Variants in KIAA1671 observed in about 807,000 individuals in gnomAD.
The protein encoded by KIAA1671 is KIAA1671, also known as uncharacterized protein KIAA1671.
KIAA1671 carries 52 observed loss-of-function variants against 131.2 expected under a neutral mutation model. The observed-to-expected ratio is 0.40, with a 90% CI of 0.32 to 0.50. KIAA1671 has a LOEUF of 0.50. Ranked by LOEUF, KIAA1671 falls within the 20% of genes least tolerant of loss-of-function variation. The probability of loss-of-function intolerance (pLI) is 0.73; values close to 1 mark genes in which losing one functional copy is unlikely to be tolerated. For missense variants in KIAA1671, 2,360 were observed against 2,364.2 expected (o/e 1.00, Z 0.04); for synonymous variants, 1,003 against 961.6 (o/e 1.04, Z -0.80).
rs1231533920 is a variant in KIAA1671, at chr22:25,017,026, G to A, written c.-207-8607G>A. 2.2e-4 allele frequency among the ~76,000 whole-genome samples: 33 copies of A among 152,302 alleles called. 2 individuals are homozygous for A. Among genetic ancestry groups the A allele is most frequent in the African/African-American group, 7.9e-4 (33 of 41,566 alleles). ...TAATTATATGCAAATTAAGGGGGTG[G>A]TTTATGCAAAACTTCATAGAAAAGG... On this transcript the variant is annotated intron_variant, in intron 1 of 12. Transcript: ENST00000358431.
At chr22:25,166,969 C>T (rs1480398734) in intron 6 of KIAA1671, among the ~76,000 whole-genome samples, 5 of 152,216 alleles carry the variant, frequency 3.3e-5, no homozygotes, top group Admixed American at 6.5e-5. Context: ...AGAAACAACC[C>T]CTAAGTCCCC....
chr22:24,955,288 C>T (rs1014934455), intron 1 of KIAA1671, among the ~76,000 whole-genome samples: 3 of 152,224 alleles, frequency 2.0e-5, no homozygotes, highest in Non-Finnish European at 4.4e-5. Flanking sequence ...ATGAGGCTAG[C>T]AGCCACATCC....
chr22:24,961,896 C>T (rs1424141976), intron 1 of KIAA1671, among the ~76,000 whole-genome samples: 1 of 152,042 alleles, frequency 6.6e-6, no homozygotes, highest in Non-Finnish European at 1.5e-5. Context: ...GACAAGTGGT[C>T]GCAGAGCAGA....
chr22:24,958,158 C>A (rs2123793474), intron 1 of KIAA1671, among the ~76,000 whole-genome samples: 1 of 152,062 alleles, frequency 6.6e-6, no homozygotes, highest in East Asian at 1.9e-4. Flanking sequence ...GCCCTTCCCA[C>A]TTGCATGGCT....
intron 6 of KIAA1671, among the ~76,000 whole-genome samples, chr22:25,161,686 G>A (rs1001599602): frequency 6.6e-6 from 1 of 152,190 alleles, no homozygotes; most frequent in Non-Finnish European, 1.5e-5. Context: ...AGACGGTCCT[G>A]ACAGCTGGGC....
intron 6 of KIAA1671, among the ~76,000 whole-genome samples, chr22:25,096,832 T>C (rs533451029): frequency 6.6e-6 from 1 of 152,360 alleles, no homozygotes; most frequent in South Asian, 2.1e-4. Flanking sequence ...TGTGGATTAG[T>C]CTGTGTGTTG....
intron 3 of KIAA1671, among the ~76,000 whole-genome samples, chr22:25,030,534 C>CA (rs34923770): frequency 0.11 from 15,533 of 143,532 alleles, 906 homozygotes; most frequent in Non-Finnish European, 0.14. Flanking sequence ...GACTCCGTCT[C>CA]AAAAAAAAAA....
At chr22:24,954,700 C>T (rs1428965048) in intron 1 of KIAA1671, among the ~76,000 whole-genome samples, 1 of 152,184 alleles carries the variant, frequency 6.6e-6, no homozygotes, top group Non-Finnish European at 1.5e-5. Flanking sequence ...AGTTCTCACC[C>T]TAGGTTCAGA....
At chr22:24,962,732 TC>T (rs1186760999) in intron 1 of KIAA1671, among the ~76,000 whole-genome samples, 3 of 152,160 alleles carry the variant, frequency 2.0e-5, no homozygotes, top group African/African-American at 7.2e-5. Context: ...AGAGGTTGCT[TC>T]CCTTCCTGGG....
chr22:24,996,783 C>T (rs1399552918), intron 1 of KIAA1671, among the ~76,000 whole-genome samples: 1 of 152,094 alleles, frequency 6.6e-6, no homozygotes, highest in African/African-American at 2.4e-5. Flanking sequence ...TGTAGGGCAG[C>T]ATGTTGGAGG....
chr22:25,150,756 C>T (rs796343506), intron 6 of KIAA1671, among the ~76,000 whole-genome samples: 8 of 152,088 alleles, frequency 5.3e-5, no homozygotes, highest in African/African-American at 1.7e-4. Context: ...GAACAGCACC[C>T]CGCTCCTCAA....
chr22:25,134,658 A>G (rs1430915639), intron 6 of KIAA1671, among the ~76,000 whole-genome samples: 2 of 152,308 alleles, frequency 1.3e-5, no homozygotes, highest in East Asian at 1.9e-4. Context: ...CCTCCAGCCC[A>G]GAGAGTTGGA....
chr22:25,191,941 T>C (rs192463493), intron 12 of KIAA1671, among the ~76,000 whole-genome samples: 30 of 152,314 alleles, frequency 2.0e-4, no homozygotes, highest in South Asian at 4.1e-4. Flanking sequence ...TGCTTGATTA[T>C]GGTGGTGTTA....
intron 6 of KIAA1671, among the ~76,000 whole-genome samples, chr22:25,133,852 C>G (rs1048496438): frequency 6.6e-6 from 1 of 152,268 alleles, no homozygotes; most frequent in African/African-American, 2.4e-5. Flanking sequence ...CCTGCCCCTC[C>G]TTGATTTTTA....
chr22:24,953,825 C>T (rs1022333054), intron 1 of KIAA1671, among the ~76,000 whole-genome samples: 2 of 152,180 alleles, frequency 1.3e-5, no homozygotes, highest in African/African-American at 2.4e-5. Context: ...CTTTCTCTAG[C>T]CAGGAGCAGC....
At position 25,028,203 on chromosome 22, in the gene KIAA1671, C is replaced by G; in HGVS notation, c.204C>G (p.Pro68=). Residue 68 remains proline, a synonymous_variant, in exon 3 of 13, where the codon CCC becomes CCG. Transcript: ENST00000358431. ...TACTCCCTCTGCCAAGGCTCGCCCC[C>G]AAACCCTTCTCGAAGGAGCAGGACG... ...ARLLPLPRLA[P]KPFSKEQDVK... is the part of the protein sequence containing the mutation. 6.4e-7 allele frequency: 1 copy of G among 1,551,158 alleles called. No homozygotes were observed. Among genetic ancestry groups the G allele is most frequent in the East Asian group, 2.4e-5 (1 of 40,896 alleles).
chr22:25,130,658 A>T (rs558570573), intron 6 of KIAA1671, among the ~76,000 whole-genome samples: 8 of 151,884 alleles, frequency 5.3e-5, no homozygotes, highest in Non-Finnish European at 7.4e-5. Flanking sequence ...AAACATCTAG[A>T]TGAGTTCTAC....
At chr22:25,128,043 C>T (rs1270361189) in intron 6 of KIAA1671, among the ~76,000 whole-genome samples, 1 of 152,190 alleles carries the variant, frequency 6.6e-6, no homozygotes, top group Non-Finnish European at 1.5e-5. Flanking sequence ...GGGCCTCAAC[C>T]TCTTTGAGTT....
At chr22:25,132,117 C>T (rs190690454) in intron 6 of KIAA1671, among the ~76,000 whole-genome samples, 39 of 152,300 alleles carry the variant, frequency 2.6e-4, no homozygotes, top group Admixed American at 6.5e-4. Flanking sequence ...CTTCTTGGAT[C>T]CCCACTTGTT....
Sources: allele counts gnomAD v4.1 joint callset (sites outside exome capture counted in the v4.1 genomes callset), GRCh38; gene constraint gnomAD v4.1.1; transcripts MANE v1.5; gene names NCBI Gene and HGNC (gene_info 2026-07-23, HGNC 2026-07-21).